The following RIMS2 variants were observed in gnomAD, a reference collection of about 807,000 sequenced individuals.
RIMS2 encodes regulating synaptic membrane exocytosis 2.
RIMS2 carries 59 observed loss-of-function variants against 174.4 expected under a neutral mutation model. The observed-to-expected ratio is 0.34, with a 90% CI of 0.27 to 0.42. The LOEUF is 0.42. RIMS2 is among the 10% of genes least tolerant of loss of function. RIMS2 has a pLI of 1.00. For synonymous variants in RIMS2, 606 were observed against 572.5 expected, an observed-to-expected ratio of 1.06 and a Z score of -0.84; for missense variants, 1,620 against 1,666.3, an observed-to-expected ratio of 0.97 and a Z score of 0.48.
At chr8:103,561,252 T>C (rs1484977886) in intron 1 of RIMS2, among the ~76,000 whole-genome samples, 3 of 152,186 alleles carry the variant, frequency 2.0e-5, no homozygotes, top group Non-Finnish European at 2.9e-5. Context: ...ATATACTTTT[T>C]ATTTTAGATA....
At chr8:103,622,236 A>G (rs1002349406) in intron 1 of RIMS2, among the ~76,000 whole-genome samples, 2 of 152,198 alleles carry the variant, frequency 1.3e-5, no homozygotes, top group Non-Finnish European at 2.9e-5. Context: ...AAGGGTATCT[A>G]TGTCTGATTA....
chr8:103,696,568 G>C (rs925583074), intron 1 of RIMS2, among the ~76,000 whole-genome samples: 3 of 152,054 alleles, frequency 2.0e-5, no homozygotes, highest in African/African-American at 7.2e-5. Context: ...TATTTAATAT[G>C]TATATTAGAA....
intron 1 of RIMS2, among the ~76,000 whole-genome samples, chr8:103,630,336 A>T (rs953429918): frequency 6.6e-6 from 1 of 152,138 alleles, no homozygotes; most frequent in South Asian, 2.1e-4. Flanking sequence ...ATAAATTCAA[A>T]ATCTTAAATC....
intron 19 of RIMS2, among the ~76,000 whole-genome samples, chr8:104,029,093 A>C (rs764687065): frequency 6.6e-5 from 10 of 152,202 alleles, no homozygotes; most frequent in Non-Finnish European, 1.5e-4. Flanking sequence ...TGACATTGCC[A>C]TGCCATTTGT....
intron 9 of RIMS2, chr8:103,920,592 C>G: frequency 2.2e-6 from 1 of 453,538 alleles, no homozygotes; most frequent in South Asian, 1.6e-5. Flanking sequence ...TTGGTCCCAT[C>G]TGTACTTCCA....
At chr8:103,677,753 C>A (rs902217535) in intron 1 of RIMS2, among the ~76,000 whole-genome samples, 1 of 152,050 alleles carries the variant, frequency 6.6e-6, no homozygotes, top group Non-Finnish European at 1.5e-5. Context: ...GGTAGCCCCC[C>A]AACCAGAACA....
chr8:103,685,090 T>G (rs1391286373), intron 1 of RIMS2, among the ~76,000 whole-genome samples: 1 of 150,168 alleles, frequency 6.7e-6, no homozygotes, highest in African/African-American at 2.5e-5. Context: ...TTTTTACACA[T>G]GGATTTTCTT....
At chr8:104,009,722 T>C (rs2095696887) in intron 17 of RIMS2, among the ~76,000 whole-genome samples, 1 of 152,152 alleles carries the variant, frequency 6.6e-6, no homozygotes, top group Non-Finnish European at 1.5e-5. Flanking sequence ...GTCAGCTTTA[T>C]AAAGGAAAAG....
intron 1 of RIMS2, among the ~76,000 whole-genome samples, chr8:103,505,413 G>A (rs908444173): frequency 6.6e-6 from 1 of 152,028 alleles, no homozygotes; most frequent in Non-Finnish European, 1.5e-5. Flanking sequence ...TAGCTGCCTC[G>A]TTAACCTTAA....
At chr8:104,050,932 A>T (rs2096774810) in intron 19 of RIMS2, among the ~76,000 whole-genome samples, 1 of 152,110 alleles carries the variant, frequency 6.6e-6, no homozygotes, top group Admixed American at 6.5e-5. Context: ...TGATGAAAAC[A>T]TAATATATAA....
At chr8:103,528,891 A>G (rs1261878788) in intron 1 of RIMS2, among the ~76,000 whole-genome samples, 1 of 152,116 alleles carries the variant, frequency 6.6e-6, no homozygotes, top group Non-Finnish European at 1.5e-5. Context: ...TTTTGGTTCC[A>G]TATGATCTTT....
chr8:103,931,473 C>A, intron 12 of RIMS2, 80 bp downstream of exon 14: 1 of 975,888 alleles, frequency 1.0e-6, no homozygotes, highest in African/African-American at 1.6e-5. Context: ...AATTCTGTAT[C>A]ATTTATTGGT....
chr8:104,129,206 C>A (rs1001566246), intron 19 of RIMS2, among the ~76,000 whole-genome samples: 1 of 150,918 alleles, frequency 6.6e-6, no homozygotes, highest in Admixed American at 6.6e-5. Context: ...GGCAACATAG[C>A]GAGACCTTGT....
Position 103,792,164 on chromosome 8 carries a change from G to T in RIMS2, c.698+25627G>T, listed in dbSNP as rs545789690. Reference sequence around the variant, plus strand: ...CACTTATTCTAAAACTGACCACATCGTTGGAAGTAAAGCACTCCTCAGCAA... The same window carrying T: ...CACTTATTCTAAAACTGACCACATCTTTGGAAGTAAAGCACTCCTCAGCAA... On this transcript the variant is annotated intron_variant, in intron 3 of 23. Transcript: ENST00000504942. 2.6e-5 allele frequency among the ~76,000 whole-genome samples: 4 copies of T among 152,072 alleles called. No homozygotes were observed. In the East Asian group the frequency reaches 5.8e-4, roughly 22 times the overall value.
chr8:103,662,337 C>T (rs181801284), intron 1 of RIMS2, among the ~76,000 whole-genome samples: 1 of 152,232 alleles, frequency 6.6e-6, no homozygotes, highest in Non-Finnish European at 1.5e-5. Context: ...CAGTTAACGA[C>T]ATCAGTTGAG....
intron 19 of RIMS2, among the ~76,000 whole-genome samples, chr8:104,226,395 T>C (rs1205776443): frequency 1.3e-5 from 2 of 152,204 alleles, no homozygotes. Flanking sequence ...CGTGTTGAGT[T>C]TCCATTCTAC....
intron 1 of RIMS2, among the ~76,000 whole-genome samples, chr8:103,587,623 G>A (rs796622725): frequency 3.3e-5 from 5 of 151,870 alleles, no homozygotes; most frequent in Admixed American, 2.6e-4. Flanking sequence ...ACACAAATCA[G>A]TGTGATACCT....
At chr8:103,711,706 G>C (rs1035373688) in intron 2 of RIMS2, among the ~76,000 whole-genome samples, 1 of 151,932 alleles carries the variant, frequency 6.6e-6, no homozygotes, top group Non-Finnish European at 1.5e-5. Flanking sequence ...GATCAGGCTG[G>C]GCAACATGGT....
exon 17 of RIMS2, chr8:103,989,393 G>C: frequency 6.2e-7 from 1 of 1,604,568 alleles, no homozygotes; most frequent in Non-Finnish European, 8.5e-7. Context: ...TCGTGTCATG[G>C]ATGACCATTA....
Sources: gnomAD v4.1 joint callset for allele counts (sites outside exome capture counted in the v4.1 genomes callset) on GRCh38, gnomAD v4.1.1 for gene constraint, MANE v1.5 for transcripts, NCBI Gene and HGNC (gene_info 2026-07-23, HGNC 2026-07-21) for gene names.